Variants in SGCG observed in about 807,000 individuals in gnomAD.
SGCG encodes sarcoglycan gamma, also known as gamma-sarcoglycan.
SGCG carries 26 observed loss-of-function variants against 29.3 expected under a neutral mutation model. The observed-to-expected ratio is 0.89, with a 90% CI of 0.65 to 1.23. The LOEUF (loss-of-function observed/expected upper bound fraction) is 1.23. Ranked by LOEUF, SGCG falls within the 50% of genes most tolerant of loss-of-function variation. The probability of loss-of-function intolerance (pLI) is 0.00; values close to 1 mark genes in which losing one functional copy is unlikely to be tolerated. For synonymous variants in SGCG, 145 were observed against 129.7 expected (o/e 1.12, Z -0.80); for missense variants, 353 against 356.0 (o/e 0.99, Z 0.07).
At chr13:23,202,859 C>T (rs1015838184) in intron 1 of SGCG, among the ~76,000 whole-genome samples, 3 of 152,168 alleles carry the variant, frequency 2.0e-5, no homozygotes, top group African/African-American at 4.8e-5. Flanking sequence ...ACTACATTTA[C>T]AATCAGGAAA....
At position 23,324,817 on chromosome 13, in the gene SGCG, G is replaced by C; in HGVS notation, c.*276G>C. ...ACCGGAACAATTGCGAATTCTCTCT[G>C]CCTCGCCTCCCCCTATCTTGTCCGT... is the stretch of plus-strand genomic sequence containing the variant. On this transcript the variant is annotated 3_prime_UTR_variant, in exon 8 of 8. Transcript: ENST00000218867. 2.3e-6 allele frequency: 1 copy of C among 436,320 alleles called. No individual in the cohort carries two copies. The highest frequency in any genetic ancestry group is 4.3e-6 in the Non-Finnish European group (1 of 232,926). The allele number at this position is 436,320 out of a possible 1,614,324, so 27.0% of individuals were successfully genotyped here. A position where few individuals can be genotyped will look rare whatever the true frequency, so the allele number is the denominator to read the frequency against.
intron 3 of SGCG, among the ~76,000 whole-genome samples, chr13:23,248,808 C>G (rs1462325065): frequency 6.6e-6 from 1 of 151,700 alleles, no homozygotes; most frequent in African/African-American, 2.4e-5. Flanking sequence ...TTGGCTAACA[C>G]GGTGAAACCC....
At chr13:23,252,614 C>T (rs1004967540) in intron 4 of SGCG, among the ~76,000 whole-genome samples, 1 of 152,042 alleles carries the variant, frequency 6.6e-6, no homozygotes, top group Admixed American at 6.6e-5. Flanking sequence ...TGGCGTGAAC[C>T]CGGGAGGCGG....
chr13:23,303,731 G>A (rs1488968781), intron 6 of SGCG, among the ~76,000 whole-genome samples: 2 of 152,164 alleles, frequency 1.3e-5, no homozygotes, highest in South Asian at 2.1e-4. Context: ...TCATATTGTT[G>A]GAGATATAGC....
chr13:23,241,815 TA>T (rs1470099485), intron 3 of SGCG, among the ~76,000 whole-genome samples: 3 of 152,004 alleles, frequency 2.0e-5, no homozygotes, highest in Non-Finnish European at 4.4e-5. Context: ...ATCACATCAA[TA>T]GAATGAAGGA....
At chr13:23,174,822 T>A in the SGCG span, among the ~76,000 whole-genome samples, 1 of 152,204 alleles carries the variant, frequency 6.6e-6, no homozygotes, top group Admixed American at 6.5e-5. Flanking sequence ...GTTGCATTTT[T>A]ATTTTTTTAA....
intron 5 of SGCG, among the ~76,000 whole-genome samples, chr13:23,289,493 C>T (rs1022309400): frequency 1.3e-5 from 2 of 152,166 alleles, no homozygotes; most frequent in Non-Finnish European, 2.9e-5. Context: ...ATAAGAGGGC[C>T]TCAGTGATTT....
intron 1 of SGCG, among the ~76,000 whole-genome samples, chr13:23,189,746 A>G (rs1877164302): frequency 6.6e-6 from 1 of 152,164 alleles, no homozygotes; most frequent in Non-Finnish European, 1.5e-5. Flanking sequence ...GCAATTTGGG[A>G]GGATGTTGAA....
intron 3 of SGCG, among the ~76,000 whole-genome samples, chr13:23,236,331 G>T (rs1472087985): frequency 1.3e-5 from 2 of 152,160 alleles, no homozygotes; most frequent in Non-Finnish European, 2.9e-5. Flanking sequence ...ATGGTCCAGT[G>T]ACTGAAATCA....
At chr13:23,161,078 G>A in the SGCG span, among the ~76,000 whole-genome samples, 1 of 152,154 alleles carries the variant, frequency 6.6e-6, no homozygotes, top group African/African-American at 2.4e-5. Flanking sequence ...CTGAGTAAGC[G>A]GAGTGTCTGC....
intron 3 of SGCG, among the ~76,000 whole-genome samples, chr13:23,235,651 G>T (rs1361343143): frequency 6.6e-6 from 1 of 152,172 alleles, no homozygotes. Context: ...TAGTAGGCAC[G>T]AACATTTTGC....
At chr13:23,293,426 G>A (rs765441285) in intron 5 of SGCG, among the ~76,000 whole-genome samples, 2 of 152,064 alleles carry the variant, frequency 1.3e-5, no homozygotes, top group Non-Finnish European at 2.9e-5. Flanking sequence ...TTTCCAGCGT[G>A]GGTTTTTATC....
intron 4 of SGCG, among the ~76,000 whole-genome samples, chr13:23,264,168 T>C (rs988854098): frequency 6.6e-6 from 1 of 152,090 alleles, no homozygotes; most frequent in Non-Finnish European, 1.5e-5. Context: ...TGCGATCTTA[T>C]AGCTAGAAAA....
At chr13:23,303,813 T>C (rs1882265337) in intron 6 of SGCG, among the ~76,000 whole-genome samples, 1 of 152,232 alleles carries the variant, frequency 6.6e-6, no homozygotes, top group African/African-American at 2.4e-5. Flanking sequence ...ACTCAGATAA[T>C]GCCAAATTCC....
chr13:23,204,730 G>T (rs1204331680), intron 2 of SGCG, among the ~76,000 whole-genome samples: 24 of 132,452 alleles, frequency 1.8e-4, no homozygotes, highest in Non-Finnish European at 2.6e-4. Flanking sequence ...TTTTGAGACG[G>T]AGTCTCACTC....
chr13:23,203,022 C>T (rs946434057), intron 1 of SGCG, among the ~76,000 whole-genome samples: 6 of 151,980 alleles, frequency 3.9e-5, no homozygotes, highest in Non-Finnish European at 4.4e-5. Context: ...TGCAGTGGCG[C>T]GATCTCTGCT....
At chr13:23,240,798 G>A (rs1266739350) in intron 3 of SGCG, among the ~76,000 whole-genome samples, 1 of 152,136 alleles carries the variant, frequency 6.6e-6, no homozygotes, top group Non-Finnish European at 1.5e-5. Context: ...ATTAAATTTG[G>A]GAGGATGTAG....
intron 4 of SGCG, among the ~76,000 whole-genome samples, chr13:23,251,418 G>A (rs1268341959): frequency 6.6e-6 from 1 of 152,158 alleles, no homozygotes; most frequent in African/African-American, 2.4e-5. Flanking sequence ...ATGGAATCCT[G>A]CAAAGGGAGA....
chr13:23,161,444 A>T, the SGCG span, among the ~76,000 whole-genome samples: 2 of 152,206 alleles, frequency 1.3e-5, no homozygotes, highest in Non-Finnish European at 2.9e-5. Flanking sequence ...CGTACTATTC[A>T]TGTACTAATA....
Sources: allele counts gnomAD v4.1 joint callset (sites outside exome capture counted in the v4.1 genomes callset), GRCh38; gene constraint gnomAD v4.1.1; transcripts MANE v1.5; gene names NCBI Gene and HGNC (gene_info 2026-07-23, HGNC 2026-07-21).